Variants in NINL observed in about 807,000 individuals in gnomAD.
The protein encoded by NINL is ninein like, also known as ninein-like protein.
Under a neutral mutation model 160.3 loss-of-function variants are expected in NINL, and 153 were observed. That is an observed-to-expected ratio of 0.95 (90% CI 0.84 to 1.09). The LOEUF (loss-of-function observed/expected upper bound fraction) is 1.09. Ranked by LOEUF, NINL falls within the 50% of genes least tolerant of loss-of-function variation. The pLI is 0.00. For missense variants in NINL, 1,829 were observed against 1,764.0 expected, an observed-to-expected ratio of 1.04 and a Z score of -0.66; for synonymous variants, 800 against 734.8, an observed-to-expected ratio of 1.09 and a Z score of -1.43.
In NINL at chr20:25,458,496, G is replaced by A. The variant is rs767468208; in HGVS notation, c.3730C>T (p.Gln1244Ter). The A allele has an allele frequency of 3.7e-6, 6 of 1,601,060 alleles. No individual in the cohort carries two copies. Among genetic ancestry groups the A allele is most frequent in the Non-Finnish European group, 3.4e-6 (4 of 1,179,570 alleles). The change falls in exon 22 of 24, where the codon CAG becomes TAG. Residue 1244 changes from glutamine to a stop codon, truncating the protein, a stop_gained. Coordinates refer to ENST00000278886, the MANE Select transcript of NINL (RefSeq NM_025176.6). LOFTEE classifies it high-confidence loss of function. Reference sequence around the variant, plus strand: ...CGGACCTCCTGCAAGTGCTGGGCCTGGGCCTGCCTCAGCCTCAGGTGAGCT... The same window carrying A: ...CGGACCTCCTGCAAGTGCTGGGCCTAGGCCTGCCTCAGCCTCAGGTGAGCT... Reference protein sequence around the residue: ...QGAHLRLRQAQAQHLQEVRLV... With the variant: ...QGAHLRLRQA
chr20:25,529,589 G>A (rs111714812), intron 1 of NINL, among the ~76,000 whole-genome samples: 28 of 152,222 alleles, frequency 1.8e-4, no homozygotes, highest in African/African-American at 5.8e-4. Context: ...GTTTTGAGAT[G>A]GTAACAATGA....
chr20:25,462,005 G>A (rs1600996785), intron 20 of NINL, among the ~76,000 whole-genome samples: 2 of 152,190 alleles, frequency 1.3e-5, no homozygotes, highest in South Asian at 4.1e-4. Context: ...GTTCTGCTTT[G>A]CTATTATAAA....
chr20:25,519,093 T>C lies in NINL; in HGVS notation c.181-1244A>G, dbSNP rs549786526. Among the ~76,000 whole-genome samples the C allele has an allele frequency of 3.8e-3, 428 of 114,054 alleles. 6 individuals carry two copies. In the East Asian group the frequency reaches 0.079, roughly 21 times the overall value. 74.8% of individuals were successfully genotyped at this position (114,054 alleles called of 152,430 possible). On this transcript the variant is annotated intron_variant, in intron 2 of 23. Coordinates refer to ENST00000278886, the MANE Select transcript of NINL (RefSeq NM_025176.6). ...GCCTAGGCAACAGAGCGAGACTCTG[T>C]CTCAAAAAAAAAAAAAAAAAAAGGA... is the stretch of plus-strand genomic sequence containing the variant.
chr20:25,517,694 T>C, intron 3 of NINL, 59 bp downstream of exon 3: 1 of 1,300,598 alleles, frequency 7.7e-7, no homozygotes. Flanking sequence ...ATTAGAATAT[T>C]ACACTCCAAA....
At chr20:25,579,665 T>C (rs1382633407) in intron 1 of NINL, among the ~76,000 whole-genome samples, 3 of 152,292 alleles carry the variant, frequency 2.0e-5, no homozygotes, top group African/African-American at 2.4e-5. Context: ...GGGCACCAGC[T>C]GTCACTCCTC....
intron 8 of NINL, chr20:25,498,956 C>A (rs1185514883): frequency 2.0e-6 from 2 of 985,364 alleles, no homozygotes; most frequent in African/African-American, 3.5e-5. Flanking sequence ...ACCCTAAGAC[C>A]CTCAGCTCAA....
chr20:25,477,082 CCT>C lies in NINL; in HGVS notation c.2207_2208del (p.Glu736GlyfsTer2). 2.5e-6 allele frequency: 4 copies of C among 1,593,296 alleles called. No individual in the cohort carries two copies. The highest frequency in any genetic ancestry group is 3.4e-6 in the Non-Finnish European group (4 of 1,177,346). On this transcript the variant is annotated frameshift_variant, in exon 17 of 24. Transcript: ENST00000278886. LOFTEE classifies it high-confidence loss of function. ...HHSHLQQIRR[E>X]AEAELSGELS... Reference sequence around the variant, plus strand: ...AGCTCTCCACTCAGCTCCGCCTCAGCCTCTCTCCTGTGGAAGTAGAACCGTCA... The same window carrying C: ...AGCTCTCCACTCAGCTCCGCCTCAGCCTCTCCTGTGGAAGTAGAACCGTCA...
At chr20:25,529,701 G>A (rs940567524) in intron 1 of NINL, among the ~76,000 whole-genome samples, 4 of 152,148 alleles carry the variant, frequency 2.6e-5, no homozygotes, top group Admixed American at 6.5e-5. Flanking sequence ...CTAGCTGGGC[G>A]TGGTGGTGCA....
chr20:25,495,790 G>A (rs1006133359), intron 10 of NINL, among the ~76,000 whole-genome samples: 3 of 152,198 alleles, frequency 2.0e-5, no homozygotes, highest in African/African-American at 4.8e-5. Flanking sequence ...CCTCTTGGGC[G>A]GAATTTCCTC....
At chr20:25,521,374 T>C (rs574204500) in intron 2 of NINL, among the ~76,000 whole-genome samples, 26 of 152,384 alleles carry the variant, frequency 1.7e-4, no homozygotes, top group South Asian at 2.1e-4. Context: ...TAACCATAGT[T>C]GTTTTATATT....
At chr20:25,470,142 T>A in intron 17 of NINL, 47 bp from the exon 18 acceptor site, 2 of 1,485,000 alleles carry the variant, frequency 1.3e-6, no homozygotes, top group Non-Finnish European at 1.9e-6. Context: ...GGGAGCCACA[T>A]GTGGTCACGG....
chr20:25,463,001 T>C (rs1417464416), intron 19 of NINL, among the ~76,000 whole-genome samples: 1 of 152,168 alleles, frequency 6.6e-6, no homozygotes, highest in Non-Finnish European at 1.5e-5. Flanking sequence ...TCAATTCATA[T>C]CATTGTAATT....
intron 13 of NINL, among the ~76,000 whole-genome samples, chr20:25,487,139 A>C (rs2146640400): frequency 6.6e-6 from 1 of 152,336 alleles, no homozygotes; most frequent in East Asian, 1.9e-4. Context: ...ACCGGGTAAA[A>C]TTAAGTCAGT....
intron 1 of NINL, among the ~76,000 whole-genome samples, chr20:25,561,916 G>A (rs1168182046): frequency 4.8e-5 from 7 of 144,418 alleles, no homozygotes; most frequent in East Asian, 2.1e-4. Context: ...GTCAGCCCCC[G>A]CCAGGCCAGC....
At chr20:25,480,366 G>A in intron 14 of NINL, 99 bp from the exon 15 acceptor site, 1 of 836,290 alleles carries the variant, frequency 1.2e-6, no homozygotes, top group Admixed American at 2.0e-5. Flanking sequence ...CATCCATGAG[G>A]GGCAGGTGGT....
At chr20:25,531,243 T>C (rs1455538165) in intron 1 of NINL, among the ~76,000 whole-genome samples, 1 of 152,224 alleles carries the variant, frequency 6.6e-6, no homozygotes, top group Admixed American at 6.5e-5. Flanking sequence ...ATTGCTGTTA[T>C]CCTGTTCTTT....
chr20:25,540,194 AGTTTCTCTTAG>A (rs1282109725), intron 1 of NINL: 3 of 414,170 alleles, frequency 7.2e-6, no homozygotes, highest in Non-Finnish European at 9.3e-6. Context: ...AAAAAGCAAC[AGTTTCTCTTAG>A]TTTCATTTTT....
At chr20:25,577,776 T>G (rs1209808058) in intron 1 of NINL, among the ~76,000 whole-genome samples, 1 of 152,076 alleles carries the variant, frequency 6.6e-6, no homozygotes, top group African/African-American at 2.4e-5. Context: ...AGCTCGGGGC[T>G]TACTACTGTC....
intron 1 of NINL, among the ~76,000 whole-genome samples, chr20:25,526,804 C>T (rs536252997): frequency 6.6e-5 from 10 of 152,304 alleles, no homozygotes; most frequent in Non-Finnish European, 1.2e-4. Flanking sequence ...AGCAGGTTAA[C>T]AGGGAGTGAG....
Sources: allele counts gnomAD v4.1 joint callset (sites outside exome capture counted in the v4.1 genomes callset), GRCh38; gene constraint gnomAD v4.1.1; transcripts MANE v1.5; gene names NCBI Gene and HGNC (gene_info 2026-07-23, HGNC 2026-07-21).